The following GRK7 variants were observed in gnomAD, a reference collection of about 807,000 sequenced individuals.
The protein encoded by GRK7 is G protein-coupled receptor kinase 7.
In GRK7, 24 loss-of-function variants were observed where a neutral mutation model predicts 34.1. That is an observed-to-expected ratio of 0.70 (90% CI 0.51 to 0.99). GRK7 has a LOEUF of 0.99. Ranked by LOEUF, GRK7 falls within the 50% of genes least tolerant of loss-of-function variation. The pLI is 0.00. For synonymous variants in GRK7, 256 were observed against 279.4 expected (o/e 0.92, Z 0.84); for missense variants, 644 against 707.3 (o/e 0.91, Z 1.02).
chr3:141,751,464 C>A, the GRK7 span, among the ~76,000 whole-genome samples: 2 of 152,114 alleles, frequency 1.3e-5, no homozygotes, highest in Non-Finnish European at 2.9e-5. Context: ...AAGTGTTGAA[C>A]CTTCTAAGAG....
At chr3:141,766,263 A>G (rs905024650) in intron 1 of GRK7, among the ~76,000 whole-genome samples, 12 of 151,860 alleles carry the variant, frequency 7.9e-5, no homozygotes, top group Admixed American at 2.0e-4. Context: ...TCACGGGTTC[A>G]CGCCATTCTC....
intron 2 of GRK7, among the ~76,000 whole-genome samples, chr3:141,775,372 A>C (rs567798231): frequency 3.3e-5 from 5 of 152,142 alleles, no homozygotes; most frequent in African/African-American, 1.2e-4. Flanking sequence ...GGGCGACGAC[A>C]GAGTGACAGA....
At chr3:141,789,656 C>CAAAAAAAAA (rs60765509) in intron 4 of GRK7, among the ~76,000 whole-genome samples, 220 of 118,618 alleles carry the variant, frequency 1.9e-3, no homozygotes, top group Middle Eastern at 4.5e-3. Context: ...GCCAAATGGG[C>CAAAAAAAAA]AAAAAAAAAA....
At chr3:141,771,759 A>T (rs965338816) in intron 1 of GRK7, among the ~76,000 whole-genome samples, 5 of 152,026 alleles carry the variant, frequency 3.3e-5, no homozygotes, top group African/African-American at 1.2e-4. Flanking sequence ...ATCTAGGCTC[A>T]CTGTAACCTC....
chr3:141,767,173 C>T (rs1190516354), intron 1 of GRK7, among the ~76,000 whole-genome samples: 1 of 152,132 alleles, frequency 6.6e-6, no homozygotes, highest in African/African-American at 2.4e-5. Context: ...AAAGCATGTG[C>T]AACTTCTCCT....
the GRK7 span, among the ~76,000 whole-genome samples, chr3:141,756,740 A>G: frequency 6.6e-6 from 1 of 152,232 alleles, no homozygotes; most frequent in East Asian, 1.9e-4. Flanking sequence ...TTGCTACTAA[A>G]TGGAAAATAA....
At chr3:141,803,617 G>A (rs555238612) in intron 4 of GRK7, among the ~76,000 whole-genome samples, 124 of 152,236 alleles carry the variant, frequency 8.1e-4, no homozygotes, top group Middle Eastern at 3.4e-3. Context: ...TAGACACCCT[G>A]TATAAATGGA....
upstream of GRK7, among the ~76,000 whole-genome samples, chr3:141,763,204 T>C (rs1225049104): frequency 6.6e-6 from 1 of 152,218 alleles, no homozygotes; most frequent in African/African-American, 2.4e-5. Context: ...CCATACCTCA[T>C]GCTTCAAATA....
intron 4 of GRK7, among the ~76,000 whole-genome samples, chr3:141,793,152 T>C (rs2084733346): frequency 6.6e-6 from 1 of 152,194 alleles, no homozygotes; most frequent in African/African-American, 2.4e-5. Context: ...AAAACATAAG[T>C]GTTTCCCTGC....
chr3:141,801,609 A>G (rs1710967541), intron 4 of GRK7, among the ~76,000 whole-genome samples: 1 of 152,240 alleles, frequency 6.6e-6, no homozygotes, highest in African/African-American at 2.4e-5. Context: ...GACAGTTGGT[A>G]TACAAATATG....
At chr3:141,815,679 A>T (rs932071634) in intron 5 of GRK7, among the ~76,000 whole-genome samples, 6 of 144,370 alleles carry the variant, frequency 4.2e-5, no homozygotes, top group African/African-American at 1.5e-4. Flanking sequence ...ATTAAAAAAA[A>T]CTATGGCTTC....
chr3:141,805,205 TGTCTCTACCA>T (rs1711018444), intron 4 of GRK7, among the ~76,000 whole-genome samples: 2 of 152,196 alleles, frequency 1.3e-5, no homozygotes, highest in Admixed American at 1.3e-4. Context: ...CTGACCTGTC[TGTCTCTACCA>T]GTCTCTAAAT....
chr3:141,778,403 C>G lies in GRK7; in HGVS notation c.119C>G (p.Pro40Arg). Residue 40 changes from proline to arginine, a missense_variant, in exon 3 of 6, where the codon CCC (proline) becomes CGC (arginine). Pro to Arg is a moderately radical substitution (Grantham distance 103). Coordinates refer to ENST00000682958, the MANE Select transcript of GRK7 (RefSeq NM_139209.3). This position sits in a 1 kb window ranked among gnomAD's most constrained non-coding sequence, Gnocchi z 4.1. ...LQRRRRSLALPGLQGCAELRQ... is the reference protein window; with the variant it reads ...LQRRRRSLALRGLQGCAELRQ... ...CGGCGGCGGCGTAGCCTGGCCCTGC[C>G]CGGGCTGCAGGGCTGCGCGGAGCTC... 4.3e-6 allele frequency: 7 copies of G among 1,612,588 alleles called. No individual in the cohort carries two copies. The highest frequency in any genetic ancestry group is 5.1e-6 in the Non-Finnish European group (6 of 1,179,684).
intron 1 of GRK7, among the ~76,000 whole-genome samples, chr3:141,769,997 C>G (rs2084609794): frequency 6.6e-6 from 1 of 152,214 alleles, no homozygotes; most frequent in Non-Finnish European, 1.5e-5. Context: ...CCACTGCAAC[C>G]TCTGCCTCCT....
At chr3:141,753,780 AAG>A in the GRK7 span, among the ~76,000 whole-genome samples, 2 of 152,266 alleles carry the variant, frequency 1.3e-5, no homozygotes, top group Admixed American at 1.3e-4. Flanking sequence ...TTAAAACACT[AAG>A]AGCATATGAA....
intron 4 of GRK7, among the ~76,000 whole-genome samples, chr3:141,802,366 T>TCACACACACACACACACACACA (rs113029036): frequency 1.6e-4 from 24 of 145,676 alleles, no homozygotes; most frequent in East Asian, 1.6e-3. Flanking sequence ...TCTTTCTCTG[T>TCACACACACACACACACACACA]CACACACACA....
chr3:141,796,646 C>G (rs1177693681), intron 4 of GRK7, among the ~76,000 whole-genome samples: 3 of 152,228 alleles, frequency 2.0e-5, no homozygotes, highest in African/African-American at 7.2e-5. Context: ...TGCTTCCTCA[C>G]AGCTGTGTGG....
intron 3 of GRK7, among the ~76,000 whole-genome samples, chr3:141,779,802 T>A (rs1219765946): frequency 6.6e-6 from 1 of 152,244 alleles, no homozygotes. Context: ...CTTTCACTCA[T>A]TAGAATGTTT....
intron 1 of GRK7, among the ~76,000 whole-genome samples, chr3:141,774,134 AT>A (rs1416314782): frequency 1.3e-5 from 2 of 152,212 alleles, no homozygotes; most frequent in African/African-American, 4.8e-5. Flanking sequence ...ATTGTTAGCA[AT>A]CACAGAAAGT....
Sources: gnomAD v4.1 joint callset for allele counts (sites outside exome capture counted in the v4.1 genomes callset) on GRCh38, gnomAD v4.1.1 for gene constraint, Gnocchi (gnomAD v3.1) non-coding constraint, MANE v1.5 for transcripts, NCBI Gene and HGNC (gene_info 2026-07-23, HGNC 2026-07-21) for gene names.